The following CPPED1 variants were observed in gnomAD, a reference collection of about 807,000 sequenced individuals.
CPPED1 encodes serine/threonine-protein phosphatase CPPED1.
CPPED1 carries 28 observed loss-of-function variants against 28.0 expected under a neutral mutation model. That is an observed-to-expected ratio of 1.00 (90% CI 0.74 to 1.37). CPPED1 has a LOEUF of 1.37. Among genes scored for constraint, CPPED1 ranks in the 40% most tolerant of loss-of-function variants. The probability of loss-of-function intolerance (pLI) is 0.00; values close to 1 mark genes in which losing one functional copy is unlikely to be tolerated. For synonymous variants in CPPED1, 198 were observed against 180.2 expected, an observed-to-expected ratio of 1.10 and a Z score of -0.79; for missense variants, 504 against 416.5, an observed-to-expected ratio of 1.21 and a Z score of -1.83.
rs1357708976 is a variant in CPPED1, at chr16:12,709,138, T to C, written c.290-4089A>G. On this transcript the variant is annotated intron_variant, in intron 2 of 3. Coordinates refer to ENST00000381774, the MANE Select transcript of CPPED1 (RefSeq NM_018340.3). The surrounding 1 kb of genome is among the most constrained non-coding windows in gnomAD (Gnocchi z 4.4). Reference sequence around the variant, plus strand: ...CCCAAAGCCAACCTCACCAGCATCATGAACAGAAAAAACAGAAACCTGCCC... The same window carrying C: ...CCCAAAGCCAACCTCACCAGCATCACGAACAGAAAAAACAGAAACCTGCCC... Among the ~76,000 whole-genome samples, 1 of 152,142 alleles carries C rather than the reference T, an allele frequency of 6.6e-6. No homozygotes were observed. Among genetic ancestry groups the C allele is most frequent in the African/African-American group, 2.4e-5 (1 of 41,426 alleles).
At chr16:12,750,835 G>C (rs113819298) in intron 2 of CPPED1, among the ~76,000 whole-genome samples, 192 of 152,206 alleles carry the variant, frequency 1.3e-3, no homozygotes, top group African/African-American at 4.3e-3. Context: ...GCCAGGCGTG[G>C]TGCCTCATGT....
At chr16:12,799,226 G>T (rs900930903) in intron 1 of CPPED1, among the ~76,000 whole-genome samples, 8 of 146,774 alleles carry the variant, frequency 5.5e-5, no homozygotes, top group African/African-American at 2.1e-4. Flanking sequence ...GTTTTGGCAA[G>T]AGAAGGGGAA....
In CPPED1 at chr16:12,726,732, G is replaced by A. The variant is rs146052701; in HGVS notation, c.290-21683C>T. 2.5e-4 allele frequency among the ~76,000 whole-genome samples: 38 copies of A among 152,150 alleles called. No homozygotes were observed. The Middle Eastern group carries it at 0.014, about 54-fold the overall frequency. ...GCTGAGGTGGGAGGATGGCTTGAAC[G>A]CAGGATGTTGAGGCTGCAGTTAGCT... On this transcript the variant is annotated intron_variant, in intron 2 of 3. Transcript: ENST00000381774.
chr16:12,725,173 A>G (rs2080163645), intron 2 of CPPED1, among the ~76,000 whole-genome samples: 1 of 152,034 alleles, frequency 6.6e-6, no homozygotes, highest in African/African-American at 2.4e-5. Context: ...AGCTCACTGC[A>G]GCATCTGCCT....
intron 2 of CPPED1, among the ~76,000 whole-genome samples, chr16:12,771,047 A>G: frequency 6.6e-6 from 1 of 152,348 alleles, no homozygotes; most frequent in South Asian, 2.1e-4. Flanking sequence ...TATTACTTGT[A>G]GAATTTAAAA....
At chr16:12,792,017 T>C (rs2080599603) in intron 1 of CPPED1, among the ~76,000 whole-genome samples, 1 of 151,728 alleles carries the variant, frequency 6.6e-6, no homozygotes, top group East Asian at 1.9e-4. Context: ...AGTGGCACGA[T>C]CTTGGCTCAA....
chr16:12,762,699 G>C (rs1303307058), intron 2 of CPPED1, among the ~76,000 whole-genome samples: 1 of 152,108 alleles, frequency 6.6e-6, no homozygotes, highest in Non-Finnish European at 1.5e-5. Flanking sequence ...AGGGAAATAG[G>C]GAATGACAGC....
chr16:12,695,565 C>T (rs1480829578), intron 3 of CPPED1, among the ~76,000 whole-genome samples: 1 of 152,196 alleles, frequency 6.6e-6, no homozygotes, highest in African/African-American at 2.4e-5. Context: ...GCCACCATGC[C>T]CAGCCTTCTT....
At chr16:12,799,221 G>A (rs1432122210) in intron 1 of CPPED1, among the ~76,000 whole-genome samples, 2 of 149,690 alleles carry the variant, frequency 1.3e-5, no homozygotes, top group Non-Finnish European at 2.9e-5. Flanking sequence ...TGTGTGTTTT[G>A]GCAAGAGAAG....
chr16:12,773,859 C>A (rs1220336702), intron 2 of CPPED1, among the ~76,000 whole-genome samples: 1 of 152,192 alleles, frequency 6.6e-6, no homozygotes, highest in African/African-American at 2.4e-5. Flanking sequence ...TACCAGTAAA[C>A]AATCATTTTG....
At chr16:12,794,073 A>G (rs1452796057) in intron 1 of CPPED1, among the ~76,000 whole-genome samples, 1 of 152,148 alleles carries the variant, frequency 6.6e-6, no homozygotes, top group African/African-American at 2.4e-5. Flanking sequence ...AAGAGTAGCT[A>G]AACAATATTT....
chr16:12,752,155 A>G (rs563829463), intron 2 of CPPED1, among the ~76,000 whole-genome samples: 2 of 152,332 alleles, frequency 1.3e-5, no homozygotes, highest in South Asian at 2.1e-4. Flanking sequence ...AGAATAGAGC[A>G]GAGGTTAAAG....
At chr16:12,696,628 A>G (rs2079992425) in intron 3 of CPPED1, among the ~76,000 whole-genome samples, 2 of 151,966 alleles carry the variant, frequency 1.3e-5, no homozygotes, top group South Asian at 4.1e-4. Flanking sequence ...TTTTTAGTAG[A>G]GATGGGGTTT....
chr16:12,664,264 A>C lies in CPPED1; in HGVS notation c.*622T>G. Reference sequence around the variant, plus strand: ...GACTTTTCTAGGCACCCAGGAAGGCAAATTTAAGCTCCGAGCTGTATCAAC... The same window carrying C: ...GACTTTTCTAGGCACCCAGGAAGGCCAATTTAAGCTCCGAGCTGTATCAAC... On this transcript the variant is annotated 3_prime_UTR_variant, in exon 4 of 4. Transcript: ENST00000381774. The surrounding 1 kb of genome is among the most constrained non-coding windows in gnomAD (Gnocchi z 4.2). 1 of 752,144 alleles carries C rather than the reference A, an allele frequency of 1.3e-6. No homozygotes were observed. The allele number at this position is 752,144 out of a possible 1,614,324, so 46.6% of individuals were successfully genotyped here.
chr16:12,705,140 A>G (rs2080043164), intron 2 of CPPED1, 91 bp from the exon 3 acceptor site: 1 of 1,343,456 alleles, frequency 7.4e-7, no homozygotes, highest in South Asian at 1.5e-5. Context: ...AAATTTAAAA[A>G]AAGAGTAATC....
chr16:12,771,994 ATG>A, intron 2 of CPPED1, among the ~76,000 whole-genome samples: 1 of 152,224 alleles, frequency 6.6e-6, no homozygotes, highest in Admixed American at 6.5e-5. Flanking sequence ...TTGGTGGTGC[ATG>A]CCTGTAATCC....
chr16:12,741,279 A>G (rs1441920305), intron 2 of CPPED1, among the ~76,000 whole-genome samples: 2 of 151,010 alleles, frequency 1.3e-5, no homozygotes, highest in African/African-American at 4.9e-5. Flanking sequence ...GCAGAAAAAA[A>G]TAAATCCTCC....
intron 2 of CPPED1, among the ~76,000 whole-genome samples, chr16:12,758,086 T>A (rs1304886855): frequency 6.6e-6 from 1 of 152,018 alleles, no homozygotes; most frequent in Non-Finnish European, 1.5e-5. Flanking sequence ...CTCCCATACT[T>A]TTCCTTCCTG....
At chr16:12,751,561 C>T (rs895305208) in intron 2 of CPPED1, among the ~76,000 whole-genome samples, 59 of 152,316 alleles carry the variant, frequency 3.9e-4, no homozygotes, top group African/African-American at 1.4e-3. Context: ...AAGACAACAG[C>T]CATACCCTAA....
Sources: gnomAD v4.1 joint callset for allele counts (sites outside exome capture counted in the v4.1 genomes callset) on GRCh38, gnomAD v4.1.1 for gene constraint, Gnocchi (gnomAD v3.1) non-coding constraint, MANE v1.5 for transcripts, NCBI Gene and HGNC (gene_info 2026-07-23, HGNC 2026-07-21) for gene names.